NRXN1: variants seen among roughly 807,000 people sequenced by gnomAD.
NRXN1 encodes the protein neurexin-1.
In NRXN1, 39 loss-of-function variants were observed where a neutral mutation model predicts 150.9. The ratio of observed to expected loss-of-function variants is 0.26; its 90% CI spans 0.20 to 0.34. The LOEUF is 0.34. Ranked by LOEUF, NRXN1 falls within the 10% of genes least tolerant of loss-of-function variation. The probability of loss-of-function intolerance (pLI) is 1.00; values close to 1 mark genes in which losing one functional copy is unlikely to be tolerated. For synonymous variants in NRXN1, 924 were observed against 757.0 expected, an observed-to-expected ratio of 1.22 and a Z score of -3.62; for missense variants, 1,815 against 1,949.9, an observed-to-expected ratio of 0.93 and a Z score of 1.30.
intron 5 of NRXN1, among the ~76,000 whole-genome samples, chr2:50,801,090 C>G (rs1707524754): frequency 6.6e-6 from 1 of 152,078 alleles, no homozygotes; most frequent in Admixed American, 6.5e-5. Context: ...TTAAATTTCT[C>G]TGATTCTTTA....
chr2:50,802,724 C>T (rs1022839665), intron 5 of NRXN1, among the ~76,000 whole-genome samples: 6 of 151,832 alleles, frequency 4.0e-5, no homozygotes, highest in African/African-American at 7.3e-5. Flanking sequence ...TTCATGTGGG[C>T]CCTAATCCAA....
intron 5 of NRXN1, among the ~76,000 whole-genome samples, chr2:50,655,045 A>G (rs1559081058): frequency 6.6e-6 from 1 of 152,012 alleles, no homozygotes; most frequent in African/African-American, 2.4e-5. Context: ...ATCTTGATGT[A>G]AAATAGAAAA....
chr2:50,900,278 A>G (rs1431302060), intron 5 of NRXN1, among the ~76,000 whole-genome samples: 3 of 152,118 alleles, frequency 2.0e-5, no homozygotes, highest in Admixed American at 1.3e-4. Context: ...AATCCTTTAA[A>G]TCTCCAAACC....
chr2:50,495,809 G>T, intron 15 of NRXN1, 96 bp downstream of exon 15: 1 of 1,021,800 alleles, frequency 9.8e-7, no homozygotes, highest in Non-Finnish European at 1.4e-6. Flanking sequence ...GTCAGTCTTT[G>T]CAGAAGGTAC....
chr2:50,060,886 G>C (rs1694426832), intron 19 of NRXN1, among the ~76,000 whole-genome samples: 2 of 152,000 alleles, frequency 1.3e-5, no homozygotes, highest in Non-Finnish European at 2.9e-5. Context: ...AAATCACCCA[G>C]TCTCTAGTAT....
At chr2:50,458,442 G>T (rs778669573) in intron 17 of NRXN1, among the ~76,000 whole-genome samples, 1 of 152,044 alleles carries the variant, frequency 6.6e-6, no homozygotes, top group Non-Finnish European at 1.5e-5. Flanking sequence ...AGTGGAATTG[G>T]AATGTTCCCA....
chr2:50,083,914 C>T (rs1321576305), intron 19 of NRXN1, among the ~76,000 whole-genome samples: 1 of 152,072 alleles, frequency 6.6e-6, no homozygotes, highest in Non-Finnish European at 1.5e-5. Flanking sequence ...AAGTCCGCAC[C>T]AGATCAGCTA....
rs1034342526 is a variant in NRXN1 at position 50,267,929 on chromosome 2, C to G, written c.3365-30959G>C. Among the ~76,000 whole-genome samples, 3 of 152,112 alleles carry G rather than the reference C, an allele frequency of 2.0e-5. No individual in the cohort carries two copies. The South Asian group carries it at 6.2e-4, about 32-fold the overall frequency. On this transcript the variant is annotated intron_variant, in intron 17 of 22. Coordinates refer to ENST00000401669, the MANE Select transcript of NRXN1 (RefSeq NM_001330078.2). ...TTAAGGCCAGGCACAGCGGCTCACA[C>G]CTGTAATCCTAGCAATTTGGGAGGC... is the stretch of plus-strand genomic sequence containing the variant.
chr2:50,800,504 A>G (rs1707438722), intron 5 of NRXN1, among the ~76,000 whole-genome samples: 1 of 152,218 alleles, frequency 6.6e-6, no homozygotes, highest in African/African-American at 2.4e-5. Flanking sequence ...CTACTGCCTA[A>G]CTCAGTGTAG....
chr2:50,772,336 C>T (rs1258698034), intron 5 of NRXN1, among the ~76,000 whole-genome samples: 2 of 151,492 alleles, frequency 1.3e-5, no homozygotes, highest in African/African-American at 2.4e-5. Context: ...AAAAAGTTTT[C>T]ATTAAATATT....
chr2:50,519,573 G>A (rs1302209839), intron 12 of NRXN1, among the ~76,000 whole-genome samples: 1 of 151,912 alleles, frequency 6.6e-6, no homozygotes, highest in Non-Finnish European at 1.5e-5. Flanking sequence ...CTTGGAACTG[G>A]TCAAACCACT....
At chr2:50,058,881 C>G (rs938591682) in intron 19 of NRXN1, among the ~76,000 whole-genome samples, 1 of 152,134 alleles carries the variant, frequency 6.6e-6, no homozygotes, top group Admixed American at 6.6e-5. Flanking sequence ...GATTGTGAGG[C>G]CTCCCAACCA....
chr2:50,127,500 C>T (rs981729981), intron 18 of NRXN1, among the ~76,000 whole-genome samples: 3 of 152,000 alleles, frequency 2.0e-5, no homozygotes, highest in East Asian at 1.9e-4. Flanking sequence ...CCTTAGAGTT[C>T]GGTTTTCTGA....
intron 22 of NRXN1, among the ~76,000 whole-genome samples, chr2:49,936,719 G>T (rs1671089406): frequency 7.4e-6 from 1 of 134,760 alleles, no homozygotes; most frequent in Non-Finnish European, 1.6e-5. Context: ...CCATTATATT[G>T]TTAAAAAAAA....
chr2:50,501,123 G>C (rs969921229), intron 13 of NRXN1, among the ~76,000 whole-genome samples: 2 of 152,200 alleles, frequency 1.3e-5, no homozygotes, highest in African/African-American at 4.8e-5. Context: ...ATTTAAGCTA[G>C]ATTTGAAGAA....
chr2:49,921,935 A>C lies in NRXN1; in HGVS notation c.*9T>G, dbSNP rs201976623. On this transcript the variant is annotated 3_prime_UTR_variant, in exon 23 of 23. Transcript: ENST00000401669. The stretch of plus-strand genomic sequence containing the variant: ...ATTTCTATACAAGTGTCCATTTAAG[A>C]TCTTGGGATCAGACATAATACTCTT... The C allele has an allele frequency of 4.3e-6, 7 of 1,613,206 alleles. No homozygotes were observed. The highest frequency in any genetic ancestry group is 5.1e-6 in the Non-Finnish European group (6 of 1,179,194).
chr2:50,053,325 C>T lies in NRXN1; in HGVS notation c.4074G>A (p.Leu1358=). 1 of 1,613,968 alleles carries T rather than the reference C, an allele frequency of 6.2e-7. No homozygotes were observed. The highest frequency in any genetic ancestry group is 8.5e-7 in the Non-Finnish European group (1 of 1,179,934). The change falls in exon 21 of 23, where the codon CTG becomes CTA. Residue 1358 remains leucine (L), a synonymous_variant. Transcript: ENST00000401669. ...TTCCTCTTCTGGCTGTGCTAGTAGC[C>T]AGGGTCGTGGTAGTCTCCATAATTG... ...STSIMETTTT[L]ATSTARRGKP...
chr2:49,962,129 C>T (rs1031959052), intron 21 of NRXN1, among the ~76,000 whole-genome samples: 3 of 152,062 alleles, frequency 2.0e-5, no homozygotes, highest in African/African-American at 7.2e-5. Context: ...AATAGGTATT[C>T]AATTCTTTGG....
rs1402260283 is a variant in NRXN1, at chr2:50,032,775, T to G, written c.4128+20496A>C. ...TCCCTGTACACAGAGGAAAGGCCACTCAGAGAGGGTGGCTGTCTGCAAGCC... is the reference window on the plus strand; with the variant it reads ...TCCCTGTACACAGAGGAAAGGCCACGCAGAGAGGGTGGCTGTCTGCAAGCC... On this transcript the variant is annotated intron_variant, in intron 21 of 22. Coordinates refer to ENST00000401669, the MANE Select transcript of NRXN1 (RefSeq NM_001330078.2). Among the ~76,000 whole-genome samples, 4 of 151,942 alleles carry G rather than the reference T, an allele frequency of 2.6e-5. No individual in the cohort carries two copies. The East Asian group carries it at 7.8e-4, about 30-fold the overall frequency.
Sources: gnomAD v4.1 joint callset for allele counts (sites outside exome capture counted in the v4.1 genomes callset) on GRCh38, gnomAD v4.1.1 for gene constraint, MANE v1.5 for transcripts, NCBI Gene and HGNC (gene_info 2026-07-23, HGNC 2026-07-21) for gene names.